WWC2: variants seen among roughly 807,000 people sequenced by gnomAD.
WWC2 encodes protein WWC2.
WWC2 carries 101 observed loss-of-function variants against 138.5 expected under a neutral mutation model. The ratio of observed to expected loss-of-function variants is 0.73; its 90% CI spans 0.62 to 0.86. WWC2 has a LOEUF of 0.86. Ranked by LOEUF, WWC2 falls within the 40% of genes least tolerant of loss-of-function variation. The pLI, the probability that WWC2 is intolerant of heterozygous loss-of-function variation, is 0.00. For missense variants in WWC2, 1,420 were observed against 1,419.4 expected, an observed-to-expected ratio of 1.00 and a Z score of -0.01; for synonymous variants, 558 against 538.4, an observed-to-expected ratio of 1.04 and a Z score of -0.50.
chr4:183,264,726 C>T (rs1160876321), intron 11 of WWC2, among the ~76,000 whole-genome samples: 1 of 152,154 alleles, frequency 6.6e-6, no homozygotes, highest in Non-Finnish European at 1.5e-5. Flanking sequence ...TTCATCCCTT[C>T]CCTTAAAATA....
intron 1 of WWC2, among the ~76,000 whole-genome samples, chr4:183,100,834 C>G (rs1743156037): frequency 6.6e-6 from 1 of 152,192 alleles, no homozygotes; most frequent in Non-Finnish European, 1.5e-5. Flanking sequence ...GGTTTCCCTC[C>G]TGAAATGAGA....
At chr4:183,269,575 T>C in intron 15 of WWC2, 1 of 463,372 alleles carries the variant, frequency 2.2e-6, no homozygotes, top group Non-Finnish European at 4.5e-6. Context: ...GATTATCCAC[T>C]ATTTTCAGAT....
intron 5 of WWC2, among the ~76,000 whole-genome samples, chr4:183,244,007 AT>A (rs1263078415): frequency 6.6e-6 from 1 of 151,798 alleles, no homozygotes; most frequent in African/African-American, 2.4e-5. Flanking sequence ...GCATTGCTTT[AT>A]TTTTTTTCAG....
At chr4:183,170,981 G>A (rs1270365487) in intron 1 of WWC2, among the ~76,000 whole-genome samples, 1 of 152,024 alleles carries the variant, frequency 6.6e-6, no homozygotes, top group African/African-American at 2.4e-5. Context: ...AATCAATTTG[G>A]TTTTCCACTT....
chr4:183,252,720 A>T (rs772114818), intron 8 of WWC2, among the ~76,000 whole-genome samples: 1 of 152,210 alleles, frequency 6.6e-6, no homozygotes, highest in African/African-American at 2.4e-5. Context: ...ACAATAATGT[A>T]TAAAGTGTCA....
intron 8 of WWC2, among the ~76,000 whole-genome samples, chr4:183,251,467 T>C (rs1047773047): frequency 2.0e-5 from 3 of 152,220 alleles, no homozygotes; most frequent in Non-Finnish European, 2.9e-5. Flanking sequence ...TCACCCTCCT[T>C]TGACTTCTAA....
At chr4:183,287,078 T>G (rs1738284136) in intron 20 of WWC2, among the ~76,000 whole-genome samples, 1 of 152,046 alleles carries the variant, frequency 6.6e-6, no homozygotes, top group South Asian at 2.1e-4. Flanking sequence ...GGATCAGGCA[T>G]GATGGCTGGG....
At chr4:183,234,378 G>A (rs1003626826) in intron 4 of WWC2, among the ~76,000 whole-genome samples, 1 of 152,208 alleles carries the variant, frequency 6.6e-6, no homozygotes, top group Non-Finnish European at 1.5e-5. Flanking sequence ...TACAGCTGTA[G>A]TTAAGTTCAG....
intron 11 of WWC2, among the ~76,000 whole-genome samples, chr4:183,261,997 A>G (rs1737345618): frequency 6.6e-6 from 1 of 152,096 alleles, no homozygotes; most frequent in African/African-American, 2.4e-5. Flanking sequence ...TTCAAGCCAG[A>G]CTCCTTTTCT....
At chr4:183,300,300 T>A (rs1738788168) in intron 21 of WWC2, among the ~76,000 whole-genome samples, 1 of 151,872 alleles carries the variant, frequency 6.6e-6, no homozygotes, top group African/African-American at 2.4e-5. Flanking sequence ...GGACTGGGGT[T>A]CTTCCAGAGG....
chr4:183,139,948 G>A (rs1733247399), intron 1 of WWC2, among the ~76,000 whole-genome samples: 1 of 152,138 alleles, frequency 6.6e-6, no homozygotes, highest in African/African-American at 2.4e-5. Context: ...GAGTAGGTGG[G>A]ATCATAGGTG....
chr4:183,145,062 G>A (rs1397236625), intron 1 of WWC2, among the ~76,000 whole-genome samples: 9 of 152,210 alleles, frequency 5.9e-5, no homozygotes, highest in Non-Finnish European at 1.5e-5. Context: ...TGTAGTTAGA[G>A]AGAAGGCGTT....
intron 4 of WWC2, among the ~76,000 whole-genome samples, chr4:183,230,563 G>T (rs1454889843): frequency 1.3e-5 from 2 of 152,190 alleles, no homozygotes; most frequent in Non-Finnish European, 2.9e-5. Context: ...TGTAATCCCA[G>T]CTATTCGGGA....
chr4:183,271,309 TAATATGA>T lies in WWC2; in HGVS notation c.2562+75_2562+81del, dbSNP rs1451182558. 2.3e-6 allele frequency: 3 copies of T among 1,277,532 alleles called. No homozygotes were observed. In the East Asian group the frequency reaches 8.2e-5, roughly 35 times the overall value. 79.1% of individuals were successfully genotyped at this position (1,277,532 alleles called of 1,614,324 possible). ...CATATATGAAATACATATATGAAAG[TAATATGA>T]AATATGGAATGCTACGAGACCAACA... On this transcript the variant is annotated intron_variant, in intron 16 of 22. Transcript: ENST00000403733.
intron 1 of WWC2, among the ~76,000 whole-genome samples, chr4:183,119,312 A>T (rs1347234871): frequency 6.6e-6 from 1 of 152,196 alleles, no homozygotes; most frequent in African/African-American, 2.4e-5. Context: ...GAGTCTGGGA[A>T]TGGCTTAGTT....
At chr4:183,278,306 C>T (rs1737937249) in intron 16 of WWC2, among the ~76,000 whole-genome samples, 1 of 152,236 alleles carries the variant, frequency 6.6e-6, no homozygotes, top group East Asian at 1.9e-4. Flanking sequence ...GGTGTTATTT[C>T]TGAGGGCTCT....
intron 2 of WWC2, among the ~76,000 whole-genome samples, chr4:183,203,185 T>C (rs1377673937): frequency 6.6e-6 from 1 of 152,106 alleles, no homozygotes; most frequent in Non-Finnish European, 1.5e-5. Context: ...TGCTTTTTTT[T>C]TTTTTTTAAA....
At chr4:183,126,463 A>T (rs1024833532) in intron 1 of WWC2, among the ~76,000 whole-genome samples, 1 of 152,096 alleles carries the variant, frequency 6.6e-6, no homozygotes, top group African/African-American at 2.4e-5. Context: ...GCCCCTAAAT[A>T]TGTCTTGGGT....
intron 9 of WWC2, among the ~76,000 whole-genome samples, chr4:183,257,809 A>G (rs1052883692): frequency 6.6e-6 from 1 of 152,104 alleles, no homozygotes; most frequent in South Asian, 2.1e-4. Flanking sequence ...GTTTCATCTC[A>G]ACACCAGCAA....
Sources: allele counts gnomAD v4.1 joint callset (sites outside exome capture counted in the v4.1 genomes callset), GRCh38; gene constraint gnomAD v4.1.1; transcripts MANE v1.5; gene names NCBI Gene and HGNC (gene_info 2026-07-23, HGNC 2026-07-21).